Variants in NPAS3 observed in about 807,000 individuals in gnomAD.
The protein encoded by NPAS3 is neuronal PAS domain-containing protein 3.
NPAS3 carries 14 observed loss-of-function variants against 73.1 expected under a neutral mutation model. The observed-to-expected ratio is 0.19, with a 90% confidence interval of 0.13 to 0.30. The LOEUF (loss-of-function observed/expected upper bound fraction) is 0.30, where lower values mean the gene tolerates loss of function less well. Ranked by LOEUF, NPAS3 falls within the 10% of genes least tolerant of loss-of-function variation. The pLI is 1.00. For missense variants in NPAS3, 1,096 were observed against 1,250.0 expected (o/e 0.88, Z 1.86); for synonymous variants, 620 against 541.5 (o/e 1.14, Z -2.01).
At chr14:33,692,866 C>CAAAAAT (rs2060272501) in intron 6 of NPAS3, among the ~76,000 whole-genome samples, 2 of 122,868 alleles carry the variant, frequency 1.6e-5, no homozygotes, top group Admixed American at 8.9e-5. Context: ...AAAAAAAAGC[C>CAAAAAT]TTGAGTTAAT....
At chr14:32,970,593 A>T (rs962899265) in intron 1 of NPAS3, among the ~76,000 whole-genome samples, 10 of 152,322 alleles carry the variant, frequency 6.6e-5, no homozygotes, top group African/African-American at 2.4e-4. Flanking sequence ...GTGCAGCCTT[A>T]CGTCTTTTCA....
chr14:33,084,299 C>T (rs917736998), intron 2 of NPAS3, among the ~76,000 whole-genome samples: 10 of 152,128 alleles, frequency 6.6e-5, no homozygotes, highest in Non-Finnish European at 1.3e-4. Flanking sequence ...ATTTTGTCCA[C>T]TATATATGCT....
chr14:33,524,846 C>T (rs1366266126), intron 4 of NPAS3, among the ~76,000 whole-genome samples: 1 of 152,248 alleles, frequency 6.6e-6, no homozygotes, highest in East Asian at 1.9e-4. Context: ...TCTCTGCCTC[C>T]ATCTTCATGT....
chr14:33,558,847 C>A (rs1046866178), intron 4 of NPAS3, among the ~76,000 whole-genome samples: 12 of 115,688 alleles, frequency 1.0e-4, no homozygotes, highest in Middle Eastern at 4.3e-3. Flanking sequence ...AAATTCACGG[C>A]CTTTTTTTTT....
intron 5 of NPAS3, among the ~76,000 whole-genome samples, chr14:33,571,723 T>A (rs925799755): frequency 6.6e-6 from 1 of 152,252 alleles, no homozygotes; most frequent in African/African-American, 2.4e-5. Flanking sequence ...TTGACTAAAT[T>A]ATCTCTGTAG....
chr14:33,389,316 A>G (rs749176714), intron 4 of NPAS3, among the ~76,000 whole-genome samples: 67 of 152,228 alleles, frequency 4.4e-4, no homozygotes, highest in Admixed American at 1.4e-3. Context: ...TTTAATAATG[A>G]CAAAGTCATT....
chr14:33,597,992 A>T (rs2057295766), intron 5 of NPAS3, among the ~76,000 whole-genome samples: 1 of 152,212 alleles, frequency 6.6e-6, no homozygotes, highest in African/African-American at 2.4e-5. Context: ...ATTCTGTTGC[A>T]GTCTCTGGGG....
intron 3 of NPAS3, among the ~76,000 whole-genome samples, chr14:33,334,717 A>G (rs1574828): frequency 0.7 from 106,971 of 151,950 alleles, 38,196 homozygotes; most frequent in Admixed American, 0.78. Context: ...ATTTCAGTAG[A>G]ATTTTGGGGA....
At chr14:33,121,242 A>T (rs975461735) in intron 2 of NPAS3, among the ~76,000 whole-genome samples, 1 of 152,054 alleles carries the variant, frequency 6.6e-6, no homozygotes, top group Non-Finnish European at 1.5e-5. Context: ...TTCTGGGAAT[A>T]TCCTTTTATT....
chr14:33,359,125 G>C (rs1305293131), intron 3 of NPAS3, among the ~76,000 whole-genome samples: 2 of 151,960 alleles, frequency 1.3e-5, no homozygotes, highest in Non-Finnish European at 2.9e-5. Flanking sequence ...GAGACAGTGA[G>C]AGAGAGAGAG....
At chr14:33,776,250 A>G (rs1198891243) in intron 8 of NPAS3, among the ~76,000 whole-genome samples, 1 of 152,140 alleles carries the variant, frequency 6.6e-6, no homozygotes, top group African/African-American at 2.4e-5. Flanking sequence ...CAGACATCAA[A>G]TCAGAGGATG....
chr14:33,097,913 C>T (rs1056817866), intron 2 of NPAS3, among the ~76,000 whole-genome samples: 5 of 152,108 alleles, frequency 3.3e-5, no homozygotes, highest in Admixed American at 3.3e-4. Flanking sequence ...TCTTTTTATA[C>T]TTTTGAGATA....
intron 5 of NPAS3, among the ~76,000 whole-genome samples, chr14:33,630,118 C>T (rs906871825): frequency 3.3e-5 from 5 of 152,166 alleles, no homozygotes; most frequent in Admixed American, 3.3e-4. Context: ...TTTACTTTGT[C>T]TCCCCACATG....
chr14:33,011,964 C>T (rs1373443780), intron 1 of NPAS3, among the ~76,000 whole-genome samples: 1 of 151,896 alleles, frequency 6.6e-6, no homozygotes, highest in Non-Finnish European at 1.5e-5. Context: ...TTTTCTTCTT[C>T]TTCCTTTCCC....
At chr14:33,556,413 G>A (rs1402812787) in intron 4 of NPAS3, among the ~76,000 whole-genome samples, 2 of 152,166 alleles carry the variant, frequency 1.3e-5, no homozygotes, top group Non-Finnish European at 2.9e-5. Context: ...AAGTCCATAA[G>A]CTGGACTCCT....
At chr14:33,346,950 G>A (rs539870874) in intron 3 of NPAS3, among the ~76,000 whole-genome samples, 2 of 152,222 alleles carry the variant, frequency 1.3e-5, no homozygotes, top group South Asian at 4.1e-4. Context: ...GTTTCCTCCA[G>A]GCCACAAGTA....
At chr14:33,472,932 C>A (rs2139625981) in intron 4 of NPAS3, among the ~76,000 whole-genome samples, 1 of 150,724 alleles carries the variant, frequency 6.6e-6, no homozygotes, top group East Asian at 1.9e-4. Flanking sequence ...CGGATGGAAA[C>A]CATTTAAAAA....
At chr14:33,245,424 A>G (rs2139851968) in intron 3 of NPAS3, among the ~76,000 whole-genome samples, 1 of 152,298 alleles carries the variant, frequency 6.6e-6, no homozygotes, top group South Asian at 2.1e-4. Flanking sequence ...CTTAACTTAT[A>G]TGACGTAGGG....
intron 3 of NPAS3, among the ~76,000 whole-genome samples, chr14:33,294,924 CT>C (rs1463446322): frequency 1.3e-5 from 2 of 152,122 alleles, no homozygotes; most frequent in Non-Finnish European, 2.9e-5. Flanking sequence ...GGGGCCAGAT[CT>C]TTTAGCGTCT....
Sources: gnomAD v4.1 joint callset for allele counts (sites outside exome capture counted in the v4.1 genomes callset) on GRCh38, gnomAD v4.1.1 for gene constraint, MANE v1.5 for transcripts, NCBI Gene and HGNC (gene_info 2026-07-23, HGNC 2026-07-21) for gene names.